The following RBMS3 variants were observed in gnomAD, a reference collection of about 807,000 sequenced individuals.
The protein encoded by RBMS3 is RNA binding motif single stranded interacting protein 3, also known as RNA-binding motif, single-stranded-interacting protein 3.
RBMS3 carries 27 observed loss-of-function variants against 66.8 expected under a neutral mutation model. That is an observed-to-expected ratio of 0.40 (90% CI 0.30 to 0.56). The LOEUF (loss-of-function observed/expected upper bound fraction) is 0.56. Among genes scored for constraint, RBMS3 ranks in the 20% least tolerant of loss-of-function variants. The pLI is 0.40. For synonymous variants in RBMS3, 188 were observed against 183.0 expected, an observed-to-expected ratio of 1.03 and a Z score of -0.22; for missense variants, 513 against 549.5, an observed-to-expected ratio of 0.93 and a Z score of 0.66.
intron 4 of RBMS3, among the ~76,000 whole-genome samples, chr3:29,648,298 C>T (rs2050018434): frequency 9.7e-6 from 1 of 102,784 alleles, no homozygotes; most frequent in African/African-American, 4.1e-5. Context: ...GACAGGGTCT[C>T]GCTGTGTCAC....
chr3:29,641,530 C>A (rs1022825788), intron 4 of RBMS3, among the ~76,000 whole-genome samples: 2 of 151,906 alleles, frequency 1.3e-5, no homozygotes, highest in Non-Finnish European at 2.9e-5. Context: ...AATGTTTGTG[C>A]CAATTATTAC....
At chr3:29,388,230 A>G (rs2039104794) in intron 1 of RBMS3, among the ~76,000 whole-genome samples, 1 of 152,216 alleles carries the variant, frequency 6.6e-6, no homozygotes, top group African/African-American at 2.4e-5. Flanking sequence ...AAAATCACTC[A>G]GGATAGAGAA....
At chr3:29,392,100 C>A (rs1241372990) in intron 1 of RBMS3, among the ~76,000 whole-genome samples, 2 of 151,686 alleles carry the variant, frequency 1.3e-5, no homozygotes, top group Non-Finnish European at 1.5e-5. Flanking sequence ...AAATACAAAA[C>A]TGAGCCAGGC....
At chr3:29,890,432 A>G (rs1047604029) in intron 8 of RBMS3, among the ~76,000 whole-genome samples, 19 of 151,648 alleles carry the variant, frequency 1.3e-4, no homozygotes, top group Non-Finnish European at 2.1e-4. Context: ...TAACAGAAAG[A>G]TAAATATTAC....
chr3:29,944,404 A>G, intron 12 of RBMS3, 150 bp downstream of exon 12: 1 of 605,896 alleles, frequency 1.7e-6, no homozygotes, highest in Non-Finnish European at 3.0e-6. Flanking sequence ...TGTGTAGTTC[A>G]GAAACATAAA....
At chr3:29,905,985 G>A (rs2060366874) in intron 10 of RBMS3, among the ~76,000 whole-genome samples, 1 of 151,958 alleles carries the variant, frequency 6.6e-6, no homozygotes, top group Non-Finnish European at 1.5e-5. Flanking sequence ...AGTTAAAAAT[G>A]TACTAAAATT....
At chr3:29,283,557 T>C (rs529405167) in intron 1 of RBMS3, among the ~76,000 whole-genome samples, 2 of 152,236 alleles carry the variant, frequency 1.3e-5, no homozygotes, top group East Asian at 1.9e-4. Flanking sequence ...TGTAGATATC[T>C]GTTTTGGAGT....
chr3:29,788,388 GCTAA>G (rs977559430), intron 6 of RBMS3, among the ~76,000 whole-genome samples: 27 of 151,978 alleles, frequency 1.8e-4, no homozygotes, highest in African/African-American at 6.0e-4. Flanking sequence ...ACCACGTCCG[GCTAA>G]CTTTTTGTAT....
intron 5 of RBMS3, among the ~76,000 whole-genome samples, chr3:29,741,343 T>C (rs2054635460): frequency 6.6e-6 from 1 of 152,216 alleles, no homozygotes; most frequent in Non-Finnish European, 1.5e-5. Flanking sequence ...TTGATTTTCA[T>C]GGCCAAGGCA....
At chr3:29,732,257 G>A (rs1189961552) in intron 4 of RBMS3, among the ~76,000 whole-genome samples, 1 of 152,180 alleles carries the variant, frequency 6.6e-6, no homozygotes, top group Non-Finnish European at 1.5e-5. Flanking sequence ...TCTGAAGACA[G>A]GAAAATGTAA....
chr3:29,548,667 A>T (rs2046067053), intron 3 of RBMS3, among the ~76,000 whole-genome samples: 1 of 152,096 alleles, frequency 6.6e-6, no homozygotes, highest in Admixed American at 6.6e-5. Flanking sequence ...GTTGAATATC[A>T]CATGCTGGCT....
chr3:29,306,503 C>A (rs558408403), intron 1 of RBMS3, among the ~76,000 whole-genome samples: 1 of 151,986 alleles, frequency 6.6e-6, no homozygotes, highest in South Asian at 2.1e-4. Flanking sequence ...GTGCCACTTG[C>A]AACCATAAAA....
intron 4 of RBMS3, among the ~76,000 whole-genome samples, chr3:29,646,425 C>T (rs901000654): frequency 2.0e-5 from 3 of 152,188 alleles, no homozygotes; most frequent in African/African-American, 7.2e-5. Flanking sequence ...AATTGCATCT[C>T]ATCATGAGTG....
chr3:29,824,610 C>T (rs1389717467), intron 6 of RBMS3, among the ~76,000 whole-genome samples: 1 of 152,118 alleles, frequency 6.6e-6, no homozygotes, highest in Non-Finnish European at 1.5e-5. Context: ...TTTATTATAA[C>T]CACTTCACAG....
At chr3:29,356,797 C>A (rs1469303861) in intron 1 of RBMS3, among the ~76,000 whole-genome samples, 1 of 151,840 alleles carries the variant, frequency 6.6e-6, no homozygotes, top group Non-Finnish European at 1.5e-5. Flanking sequence ...TGACAAGGGA[C>A]CCCATTTTTT....
intron 3 of RBMS3, among the ~76,000 whole-genome samples, chr3:29,571,307 G>A (rs1448287936): frequency 1.3e-5 from 2 of 151,992 alleles, no homozygotes; most frequent in Non-Finnish European, 2.9e-5. Flanking sequence ...TTCCCTCACT[G>A]TGCAGAAGCT....
intron 7 of RBMS3, 50 bp downstream of exon 7, chr3:29,869,014 C>A: frequency 6.9e-7 from 1 of 1,459,738 alleles, no homozygotes; most frequent in South Asian, 1.3e-5. Context: ...GTAGATATCC[C>A]TCAGAAGGTG....
intron 1 of RBMS3, among the ~76,000 whole-genome samples, chr3:29,351,835 T>A (rs2036931717): frequency 6.6e-6 from 1 of 152,030 alleles, no homozygotes. Flanking sequence ...CTTCTAGATT[T>A]TTTTTGTATT....
intron 5 of RBMS3, among the ~76,000 whole-genome samples, chr3:29,750,241 T>A (rs754433212): frequency 9.9e-5 from 15 of 152,154 alleles, no homozygotes; most frequent in Non-Finnish European, 1.9e-4. Flanking sequence ...TTATCAGAAA[T>A]CTTTATTCAA....
Sources: gnomAD v4.1 joint callset for allele counts (sites outside exome capture counted in the v4.1 genomes callset) on GRCh38, gnomAD v4.1.1 for gene constraint, MANE v1.5 for transcripts, NCBI Gene and HGNC (gene_info 2026-07-23, HGNC 2026-07-21) for gene names.